Variants in RBBP8NL observed in about 807,000 individuals in gnomAD.
RBBP8NL encodes RBBP8 N-terminal-like protein.
A neutral mutation model predicts 62.2 loss-of-function variants in RBBP8NL; 59 were observed. The ratio of observed to expected loss-of-function variants is 0.95; its 90% CI spans 0.77 to 1.18. RBBP8NL has a LOEUF of 1.18. RBBP8NL is among the 50% of genes most tolerant of loss of function. RBBP8NL has a pLI of 0.00. For synonymous variants in RBBP8NL, 412 were observed against 394.1 expected (o/e 1.05, Z -0.54); for missense variants, 896 against 899.5 (o/e 1.00, Z 0.05).
chr20:62,421,280 C>T (rs1422540934), intron 1 of RBBP8NL, among the ~76,000 whole-genome samples: 1 of 139,152 alleles, frequency 7.2e-6, no homozygotes, highest in Admixed American at 7.1e-5. Context: ...GCATGATAGC[C>T]AGTGTGCGTG....
In RBBP8NL at chr20:62,419,046, T is replaced by G. The variant is rs549285488; in HGVS notation, c.61+541A>C. Among the ~76,000 whole-genome samples the G allele has an allele frequency of 2.3e-3, 348 of 151,458 alleles. 2 individuals carry two copies. Among genetic ancestry groups the G allele is most frequent in the Non-Finnish European group, 3.9e-3 (264 of 67,828 alleles). ...GTGGGGGCTGCGGCCCTGTCCCTCGTGGGGGAAGTGGACAGGGGTGGGGCC... is the reference window on the plus strand; with the variant it reads ...GTGGGGGCTGCGGCCCTGTCCCTCGGGGGGGAAGTGGACAGGGGTGGGGCC... On this transcript the variant is annotated intron_variant, in intron 2 of 13. Coordinates refer to ENST00000252998, the MANE Select transcript of RBBP8NL (RefSeq NM_080833.3).
At chr20:62,424,269 C>G (rs1433292199) in intron 1 of RBBP8NL, among the ~76,000 whole-genome samples, 1 of 151,476 alleles carries the variant, frequency 6.6e-6, no homozygotes, top group Non-Finnish European at 1.5e-5. Flanking sequence ...GAGCCGCTGT[C>G]CCACCTGCTG....
At chr20:62,413,702 C>T in intron 10 of RBBP8NL, 119 bp downstream of exon 10, 1 of 1,432,558 alleles carries the variant, frequency 7.0e-7, no homozygotes, top group South Asian at 1.5e-5. Context: ...CGCTTTCTCC[C>T]TGGGAAACAA....
rs563303241 is a variant in RBBP8NL at position 62,413,105 on chromosome 20, G to A, written c.1676-205C>T. Among the ~76,000 whole-genome samples the A allele has an allele frequency of 1.7e-4, 26 of 152,382 alleles. No homozygotes were observed. The South Asian group carries it at 4.8e-3, about 28-fold the overall frequency. On this transcript the variant is annotated intron_variant, in intron 11 of 13. Transcript: ENST00000252998. ...AGTGTCCCCATCAGTTGGGGTTCCC[G>A]CCCCTGGCTTGGATGCTGCATGATG...
intron 6 of RBBP8NL, 53 bp downstream of exon 6, chr20:62,416,111 C>CG (rs1183340908): frequency 6.4e-7 from 1 of 1,551,672 alleles, no homozygotes. Context: ...GGGTGCTGCT[C>CG]GGGGGGTGCT....
chr20:62,416,625 G>A lies in RBBP8NL; in HGVS notation c.313+135C>T, dbSNP rs1042996962. The A allele has an allele frequency of 1.6e-5, 10 of 642,818 alleles. No individual in the cohort carries two copies. The East Asian group carries it at 2.5e-4, about 16-fold the overall frequency. The allele number at this position is 642,818 out of a possible 1,614,324, so 39.8% of individuals were successfully genotyped here. A position where few individuals can be genotyped will look rare whatever the true frequency, so the allele number is the denominator to read the frequency against. On this transcript the variant is annotated intron_variant, in intron 5 of 13. Transcript: ENST00000252998. ...GCTTTGTGTGTTTGTCTGTAGATTG[G>A]GTTGTGAGGTTCCCCCAGTGGTGTG...
intron 4 of RBBP8NL, 75 bp downstream of exon 4, chr20:62,417,149 G>A (rs570516073): frequency 7.1e-4 from 809 of 1,132,642 alleles, no homozygotes; most frequent in Non-Finnish European, 9.4e-4. Context: ...CTCATTCTCC[G>A]AGGAGCCCTG....
At chr20:62,426,179 C>G (rs934638947) in intron 1 of RBBP8NL, among the ~76,000 whole-genome samples, 2 of 151,972 alleles carry the variant, frequency 1.3e-5, no homozygotes, top group South Asian at 4.2e-4. Context: ...GCAGTGGAAG[C>G]AGCGGCAGCG....
intron 2 of RBBP8NL, among the ~76,000 whole-genome samples, chr20:62,419,047 G>A (rs533586722): frequency 6.6e-6 from 1 of 152,088 alleles, no homozygotes; most frequent in Non-Finnish European, 1.5e-5. Flanking sequence ...TGTCCCTCGT[G>A]GGGGAAGTGG....
intron 1 of RBBP8NL, 63 bp from the exon 2 acceptor site, chr20:62,419,793 GGA>G: frequency 1.3e-6 from 1 of 768,852 alleles, no homozygotes; most frequent in South Asian, 1.7e-5. Flanking sequence ...GTGGAGTCCA[GGA>G]GAGGATTGGG....
chr20:62,414,690 G>T, intron 9 of RBBP8NL, 134 bp from the exon 10 acceptor site: 1 of 1,051,232 alleles, frequency 9.5e-7, no homozygotes, highest in Non-Finnish European at 1.3e-6. Flanking sequence ...GCAGCAAGCT[G>T]CATGGGTCCC....
At chr20:62,416,278 G>GT in intron 5 of RBBP8NL, 42 bp from the exon 6 acceptor site, 1 of 1,371,190 alleles carries the variant, frequency 7.3e-7, no homozygotes. Flanking sequence ...GGGGTTGGGG[G>GT]GGACAGGGGC....
intron 1 of RBBP8NL, among the ~76,000 whole-genome samples, chr20:62,422,199 C>A (rs762501060): frequency 6.6e-6 from 1 of 152,192 alleles, no homozygotes; most frequent in Admixed American, 6.5e-5. Flanking sequence ...GATCACAGAG[C>A]GGAACAGCCA....
Position 62,415,910 on chromosome 20 carries a change from G to T in RBBP8NL, c.422C>A (p.Ser141Ter). Residue 141 changes from serine to a stop codon, truncating the protein, a stop_gained, in exon 7 of 14, where the codon TCG becomes TAG. Transcript: ENST00000252998. LOFTEE classifies it high-confidence loss of function. ...GAGCAGCAGGGGTGAGGGGGGGTCC[G>T]AGGTGCCCTCCTTGGCCCGGGGCTT... ...RPKPRAKEGT[S>*]DPPSPLLLPS... The T allele has an allele frequency of 6.3e-7, 1 of 1,581,056 alleles. No homozygotes were observed. Among genetic ancestry groups the T allele is most frequent in the Non-Finnish European group, 8.6e-7 (1 of 1,165,702 alleles).
At position 62,414,559 on chromosome 20, in the gene RBBP8NL, G is replaced by A; in HGVS notation, c.795-3C>T. ...AGGGCCGGGAGGCCCGCAGGAAGCT[G>A]TGAGGGAGGAGAAGCCGAATGACCA... is the stretch of plus-strand genomic sequence containing the variant. On this transcript the variant is annotated splice_region_variant and splice_polypyrimidine_tract_variant and intron_variant, in intron 9 of 13. Coordinates refer to ENST00000252998, the MANE Select transcript of RBBP8NL (RefSeq NM_080833.3). The A allele has an allele frequency of 7.0e-7, 1 of 1,423,340 alleles. No individual in the cohort carries two copies. Among genetic ancestry groups the A allele is most frequent in the Non-Finnish European group, 9.2e-7 (1 of 1,083,766 alleles). 88.2% of individuals were successfully genotyped at this position (1,423,340 alleles called of 1,614,324 possible).
At chr20:62,415,726 G>A (rs1988547346) in intron 7 of RBBP8NL, 62 bp downstream of exon 7, 1 of 1,609,534 alleles carries the variant, frequency 6.2e-7, no homozygotes, top group Non-Finnish European at 8.5e-7. Context: ...CCCAGCCCCA[G>A]GGGGAGGATC....
intron 13 of RBBP8NL, among the ~76,000 whole-genome samples, chr20:62,411,864 G>A (rs1376393302): frequency 1.3e-5 from 2 of 152,256 alleles, no homozygotes; most frequent in Admixed American, 1.3e-4. Context: ...GCAGACGCAG[G>A]CCATGGCCAC....
At chr20:62,413,628 C>G in intron 10 of RBBP8NL, 83 bp from the exon 11 acceptor site, 1 of 1,462,290 alleles carries the variant, frequency 6.8e-7, no homozygotes, top group Non-Finnish European at 9.1e-7. Context: ...CGGTGGGACC[C>G]CTCTTGAGGC....
intron 13 of RBBP8NL, 104 bp downstream of exon 13, chr20:62,412,520 G>T: frequency 7.0e-7 from 1 of 1,438,228 alleles, no homozygotes; most frequent in Non-Finnish European, 9.5e-7. Context: ...TCATTCTGAG[G>T]CTGCCATTCT....
Sources: gnomAD v4.1 joint callset for allele counts (sites outside exome capture counted in the v4.1 genomes callset) on GRCh38, gnomAD v4.1.1 for gene constraint, MANE v1.5 for transcripts, NCBI Gene and HGNC (gene_info 2026-07-23, HGNC 2026-07-21) for gene names.